JMJD1C: variants seen among roughly 807,000 people sequenced by gnomAD.
The protein encoded by JMJD1C is jumonji domain containing 1C.
A neutral mutation model predicts 245.3 loss-of-function variants in JMJD1C; 31 were observed. The ratio of observed to expected loss-of-function variants is 0.13; its 90% CI spans 0.09 to 0.17. JMJD1C has a LOEUF of 0.17. Ranked by LOEUF, JMJD1C falls within the 10% of genes least tolerant of loss-of-function variation. JMJD1C has a pLI of 1.00. For synonymous variants in JMJD1C, 1,057 were observed against 1,017.4 expected, an observed-to-expected ratio of 1.04 and a Z score of -0.74; for missense variants, 2,691 against 3,000.2, an observed-to-expected ratio of 0.90 and a Z score of 2.41.
chr10:63,511,730 T>C (rs1377831177), intron 1 of JMJD1C, among the ~76,000 whole-genome samples: 1 of 151,206 alleles, frequency 6.6e-6, no homozygotes, highest in East Asian at 2.0e-4. Flanking sequence ...AAAAAAAAAA[T>C]ATATACAGTA....
rs541242043 is a variant in JMJD1C, at chr10:63,507,401, T to C, written n.113+14337A>G. Among the ~76,000 whole-genome samples, 6 of 152,138 alleles carry C rather than the reference T, an allele frequency of 3.9e-5. No individual in the cohort carries two copies. In the East Asian group the frequency reaches 1.2e-3, roughly 29 times the overall value. ...GCTCATGCCTGTAATCCCAGCACTT[T>C]GGGAGGCTGAGGCGGGGGGATCACC... On this transcript the variant is annotated intron_variant and non_coding_transcript_variant, in intron 1 of 3. Coordinates refer to the JMJD1C transcript ENST00000633035.
chr10:63,420,151 C>G (rs1173531367), intron 1 of JMJD1C, among the ~76,000 whole-genome samples: 1 of 150,818 alleles, frequency 6.6e-6, no homozygotes, highest in South Asian at 2.1e-4. Flanking sequence ...AAAAAAATCA[C>G]CCCAGACATT....
At chr10:63,237,779 T>A (rs1001333001) in intron 3 of JMJD1C, among the ~76,000 whole-genome samples, 6 of 152,076 alleles carry the variant, frequency 3.9e-5, no homozygotes, top group African/African-American at 1.4e-4. Context: ...AATGAGCACT[T>A]CCTTTGAGTG....
At chr10:63,343,142 G>A (rs1439869317) in intron 2 of JMJD1C, among the ~76,000 whole-genome samples, 2 of 151,992 alleles carry the variant, frequency 1.3e-5, no homozygotes, top group Admixed American at 6.6e-5. Context: ...TAGGCAGACC[G>A]CTTGAGCTCA....
intron 10 of JMJD1C, chr10:63,203,379 C>CTAG: frequency 1.0e-6 from 1 of 984,928 alleles, no homozygotes; most frequent in Non-Finnish European, 1.2e-6. Context: ...CCTTAGTTCT[C>CTAG]TAGTAGCAAA....
chr10:63,173,246 A>G (rs1842549770), intron 24 of JMJD1C, among the ~76,000 whole-genome samples: 1 of 152,232 alleles, frequency 6.6e-6, no homozygotes, highest in African/African-American at 2.4e-5. Context: ...ACCTCGCTCC[A>G]TACTATGCAC....
intron 2 of JMJD1C, among the ~76,000 whole-genome samples, chr10:63,377,356 C>CAGTGTTAATA (rs1413414066): frequency 6.6e-6 from 1 of 152,146 alleles, no homozygotes; most frequent in Admixed American, 6.5e-5. Flanking sequence ...GTACTTACTA[C>CAGTGTTAATA]CAATGACCCG....
chr10:63,494,593 C>T (rs1285777837), intron 1 of JMJD1C, among the ~76,000 whole-genome samples: 1 of 152,138 alleles, frequency 6.6e-6, no homozygotes, highest in Admixed American at 6.6e-5. Context: ...TGTGATTTGG[C>T]AGTATCCATA....
chr10:63,306,077 CG>C (rs1348112705), intron 2 of JMJD1C, among the ~76,000 whole-genome samples: 1 of 151,782 alleles, frequency 6.6e-6, no homozygotes, highest in East Asian at 1.9e-4. Context: ...TAGTTTATCA[CG>C]TTTTTTTAAT....
Position 63,176,374 on chromosome 10 carries a change from C to G in JMJD1C, c.7324G>C (p.Glu2442Gln). 1 of 1,614,028 alleles carries G rather than the reference C, an allele frequency of 6.2e-7. No homozygotes were observed. Among genetic ancestry groups the G allele is most frequent in the Non-Finnish European group, 8.5e-7 (1 of 1,179,946 alleles). ...AGAGTACAGGTTCTGACTCCATATT[C>G]TTCAAGCAGCCTTTGACGGAGCTTT... ...NKKLRQRLLE[E>Q]YGVRTCTLIQ... Residue 2442 changes from glutamate (E) to glutamine (Q), a missense_variant, in exon 24 of 26, where the codon GAA becomes CAA. Coordinates refer to ENST00000399262, the MANE Select transcript of JMJD1C (RefSeq NM_032776.3).
At position 63,207,820 on chromosome 10, in the gene JMJD1C, G is replaced by C; in HGVS notation, c.3849C>G (p.Ser1283Arg). 6.2e-7 allele frequency: 1 copy of C among 1,614,128 alleles called. No homozygotes were observed. The highest frequency in any genetic ancestry group is 8.5e-7 in the Non-Finnish European group (1 of 1,180,016). ...CCACATGCCATTCAGTTTTCTCTTT[G>C]CTGAGGTTATTATTAGGTCTCCACA... is the stretch of plus-strand genomic sequence containing the variant. The part of the protein sequence containing the change: ...TEMWRPNNNL[S>R]KEKTEWHVEK... Residue 1283 changes from serine (S) to arginine (R), a missense_variant, in exon 10 of 26, where the codon AGC becomes AGG. Coordinates refer to ENST00000399262, the MANE Select transcript of JMJD1C (RefSeq NM_032776.3).
chr10:63,364,075 G>A lies in JMJD1C; in HGVS notation c.333+16243C>T, dbSNP rs560813800. Reference sequence around the variant, plus strand: ...AGACTGGGTTTCACCATATTAGCCAGGCTGGTCCTCAACTCCTGACCTTAG... The same window carrying A: ...AGACTGGGTTTCACCATATTAGCCAAGCTGGTCCTCAACTCCTGACCTTAG... On this transcript the variant is annotated intron_variant, in intron 2 of 25. Transcript: ENST00000399262. Among the ~76,000 whole-genome samples, 20 of 152,200 alleles carry A rather than the reference G, an allele frequency of 1.3e-4. 1 individual carries two copies. In the South Asian group the frequency reaches 3.9e-3, roughly 30 times the overall value.
chr10:63,469,276 TCAGA>T (rs1953415165), upstream of JMJD1C, among the ~76,000 whole-genome samples: 1 of 152,214 alleles, frequency 6.6e-6, no homozygotes, highest in African/African-American at 2.4e-5. Context: ...TTACTATGTG[TCAGA>T]CAGTATACTA....
chr10:63,305,512 C>CCTCTCT lies in JMJD1C; in HGVS notation c.334-40754_334-40749dup, dbSNP rs71025151. On this transcript the variant is annotated intron_variant, in intron 2 of 25. Coordinates refer to ENST00000399262, the MANE Select transcript of JMJD1C (RefSeq NM_032776.3). ...TCTCTCTCTGGAGGCAAGGTCTGAC[C>CCTCTCT]CTCTCTCTCTCTCTCTCTGGAGGCA... 2.5e-3 allele frequency among the ~76,000 whole-genome samples: 325 copies of CCTCTCT among 130,630 alleles called. 4 individuals are homozygous for CCTCTCT. The highest frequency in any genetic ancestry group is 7.1e-3 in the African/African-American group (237 of 33,440). The allele number at this position is 130,630 out of a possible 152,430, so 85.7% of individuals were successfully genotyped here.
intron 1 of JMJD1C, among the ~76,000 whole-genome samples, chr10:63,479,459 T>G (rs775089994): frequency 1.3e-5 from 2 of 152,190 alleles, no homozygotes; most frequent in Non-Finnish European, 2.9e-5. Context: ...TAGTCCATAC[T>G]CAAATGTCCT....
At chr10:63,244,311 CCTGA>C (rs1264211245) in intron 3 of JMJD1C, among the ~76,000 whole-genome samples, 1 of 152,118 alleles carries the variant, frequency 6.6e-6, no homozygotes, top group Non-Finnish European at 1.5e-5. Flanking sequence ...TCCTGGCACT[CCTGA>C]CTGTTTACTA....
intron 3 of JMJD1C, among the ~76,000 whole-genome samples, chr10:63,236,217 T>C (rs1204263199): frequency 2.6e-5 from 4 of 152,192 alleles, no homozygotes; most frequent in Non-Finnish European, 5.9e-5. Flanking sequence ...TCTTGGTTGA[T>C]CACCCAACTG....
intron 10 of JMJD1C, among the ~76,000 whole-genome samples, chr10:63,205,225 C>T (rs758248249): frequency 6.6e-6 from 1 of 152,162 alleles, no homozygotes; most frequent in Non-Finnish European, 1.5e-5. Context: ...CCACAAGCCT[C>T]CCCTTATGTT....
intron 3 of JMJD1C, among the ~76,000 whole-genome samples, chr10:63,263,010 C>T (rs72831005): frequency 6.2e-4 from 94 of 152,250 alleles, no homozygotes; most frequent in Non-Finnish European, 1.2e-3. Flanking sequence ...AGAATTAAAA[C>T]ATTAAGATTT....
Sources: gnomAD v4.1 joint callset for allele counts (sites outside exome capture counted in the v4.1 genomes callset) on GRCh38, gnomAD v4.1.1 for gene constraint, MANE v1.5 for transcripts, NCBI Gene and HGNC (gene_info 2026-07-23, HGNC 2026-07-21) for gene names.